WDPCP: variants seen among roughly 807,000 people sequenced by gnomAD.
WDPCP encodes WD repeat-containing and planar cell polarity effector protein fritz homolog.
Under a neutral mutation model 93.1 loss-of-function variants are expected in WDPCP, and 71 were observed. The observed-to-expected ratio is 0.76, with a 90% CI of 0.63 to 0.93. The LOEUF (loss-of-function observed/expected upper bound fraction) is 0.93. Ranked by LOEUF, WDPCP falls within the 40% of genes least tolerant of loss-of-function variation. The pLI, the probability that WDPCP is intolerant of heterozygous loss-of-function variation, is 0.00. For synonymous variants in WDPCP, 315 were observed against 315.0 expected (o/e 1.00, Z 0.00); for missense variants, 844 against 887.4 (o/e 0.95, Z 0.62).
intron 10 of WDPCP, among the ~76,000 whole-genome samples, chr2:63,384,710 G>C (rs1692588635): frequency 6.6e-6 from 1 of 150,704 alleles, no homozygotes; most frequent in South Asian, 2.1e-4. Context: ...AAGACAGCAA[G>C]ACTGTGTCTC....
chr2:63,164,908 A>T (rs1381803648), intron 15 of WDPCP, among the ~76,000 whole-genome samples: 10 of 152,166 alleles, frequency 6.6e-5, no homozygotes, highest in African/African-American at 2.2e-4. Context: ...CTCCAAAGAA[A>T]TTACAAGGGT....
At chr2:63,379,593 T>C (rs746176950) in intron 11 of WDPCP, among the ~76,000 whole-genome samples, 6 of 152,182 alleles carry the variant, frequency 3.9e-5, no homozygotes, top group African/African-American at 1.4e-4. Flanking sequence ...CTTGACAGCA[T>C]GTTTCGTACA....
At chr2:63,533,631 A>G (rs1252904724) in intron 1 of WDPCP, among the ~76,000 whole-genome samples, 1 of 151,876 alleles carries the variant, frequency 6.6e-6, no homozygotes, top group Admixed American at 6.6e-5. Context: ...AACGAAATGA[A>G]GGCAGAAATA....
At chr2:63,508,337 G>C (rs1346452581) in intron 1 of WDPCP, among the ~76,000 whole-genome samples, 3 of 152,134 alleles carry the variant, frequency 2.0e-5, no homozygotes, top group African/African-American at 7.2e-5. Flanking sequence ...ACCAAACTAA[G>C]CTTCATAAGT....
At chr2:63,448,364 T>C (rs1325260307) in intron 6 of WDPCP, among the ~76,000 whole-genome samples, 2 of 152,060 alleles carry the variant, frequency 1.3e-5, no homozygotes, top group Non-Finnish European at 2.9e-5. Context: ...AAAGTAAGCT[T>C]GGCAACTTTT....
chr2:63,333,589 C>T (rs36074726), intron 12 of WDPCP, among the ~76,000 whole-genome samples: 21,713 of 152,224 alleles, frequency 0.14, 2,004 homozygotes, highest in Admixed American at 0.24. Context: ...CTGTTGATCC[C>T]ATGTCTTCAG....
At chr2:63,275,307 TA>T (rs1682998542) in intron 13 of WDPCP, among the ~76,000 whole-genome samples, 2 of 152,078 alleles carry the variant, frequency 1.3e-5, no homozygotes, top group South Asian at 4.1e-4. Context: ...ATAAAGGCCA[TA>T]TATGAAAAAC....
intron 2 of WDPCP, among the ~76,000 whole-genome samples, chr2:63,784,970 T>C (rs895643196): frequency 4.6e-5 from 7 of 152,186 alleles, no homozygotes; most frequent in African/African-American, 1.2e-4. Context: ...GTTGTAAAGA[T>C]TAAATGAAAC....
At chr2:63,190,283 A>T (rs768630707) in intron 14 of WDPCP, among the ~76,000 whole-genome samples, 2 of 151,740 alleles carry the variant, frequency 1.3e-5, no homozygotes, top group African/African-American at 2.4e-5. Flanking sequence ...AAATACAAAA[A>T]CTAGCCAAGC....
At chr2:63,409,433 A>C (rs2176415) in intron 9 of WDPCP, among the ~76,000 whole-genome samples, 123,819 of 152,096 alleles carry the variant, frequency 0.81, 51,199 homozygotes, top group East Asian at 0.98. Flanking sequence ...TCTGACGGAG[A>C]CTACCCAAAT....
intron 2 of WDPCP, among the ~76,000 whole-genome samples, chr2:63,722,630 GGCCAGCCGCCCCGTCC>G (rs1669438483): frequency 7.6e-6 from 1 of 131,950 alleles, no homozygotes; most frequent in Non-Finnish European, 1.6e-5. Flanking sequence ...GCCCCCGCCC[GGCCAGCCGCCCCGTCC>G]GGGAGGGAGG....
intron 12 of WDPCP, among the ~76,000 whole-genome samples, chr2:63,350,279 G>A (rs145689760): frequency 1.1e-4 from 17 of 152,190 alleles, no homozygotes; most frequent in Middle Eastern, 3.4e-3. Context: ...ATCCCACACC[G>A]GGGCATGTCG....
At chr2:63,459,649 C>T (rs2105738341) in intron 6 of WDPCP, among the ~76,000 whole-genome samples, 1 of 152,326 alleles carries the variant, frequency 6.6e-6, no homozygotes, top group East Asian at 1.9e-4. Flanking sequence ...GGCATGGTGG[C>T]TCACGCCTGT....
intron 2 of WDPCP, among the ~76,000 whole-genome samples, chr2:63,768,037 A>T (rs576272501): frequency 6.6e-6 from 1 of 152,256 alleles, no homozygotes; most frequent in African/African-American, 2.4e-5. Context: ...ACAACAAAAA[A>T]TAAGTTTCAT....
chr2:63,133,503 C>T (rs759157784), intron 17 of WDPCP, among the ~76,000 whole-genome samples: 2 of 152,158 alleles, frequency 1.3e-5, no homozygotes, highest in East Asian at 1.9e-4. Context: ...ATAATTCCCA[C>T]GTGTCAAGGG....
In WDPCP at chr2:63,695,059, C is replaced by A. The variant is rs1668944195; in HGVS notation, n.309-44221G>T. ...CAACAGAGTTGTGAATTCAAACTTA[C>A]TAAATGAAAGTGTGAAGTATTTGGC... On this transcript the variant is annotated intron_variant and non_coding_transcript_variant, in intron 2 of 4. Transcript: ENST00000467687. 2.0e-5 allele frequency among the ~76,000 whole-genome samples: 3 copies of A among 152,136 alleles called. No homozygotes were observed. In the South Asian group the frequency reaches 6.2e-4, roughly 31 times the overall value.
intron 2 of WDPCP, among the ~76,000 whole-genome samples, chr2:63,732,621 C>A (rs1478566102): frequency 6.6e-6 from 1 of 151,934 alleles, no homozygotes; most frequent in African/African-American, 2.4e-5. Context: ...ATAAGTATAA[C>A]CAGTTTATAG....
intron 2 of WDPCP, among the ~76,000 whole-genome samples, chr2:63,651,897 C>T (rs566120695): frequency 3.9e-5 from 6 of 152,292 alleles, no homozygotes; most frequent in Admixed American, 3.9e-4. Context: ...AAGCACATGA[C>T]TTATATCAGG....
In WDPCP at chr2:63,820,550, A is replaced by G. The variant is rs1451134237; in HGVS notation, n.223-6843T>C. ...TTTGGCAGACAGTCTTGACAAACCT[A>G]TCTCATTCTTTAAACACATGGTTCC... On this transcript the variant is annotated intron_variant and non_coding_transcript_variant, in intron 1 of 4. Transcript: ENST00000467687. 1.3e-5 allele frequency among the ~76,000 whole-genome samples: 2 copies of G among 152,188 alleles called. 1 individual carries two copies. The highest frequency in any genetic ancestry group is 2.9e-5 in the Non-Finnish European group (2 of 68,030).
Sources: allele counts gnomAD v4.1 joint callset (sites outside exome capture counted in the v4.1 genomes callset), GRCh38; gene constraint gnomAD v4.1.1; transcripts MANE v1.5; gene names NCBI Gene and HGNC (gene_info 2026-07-23, HGNC 2026-07-21).